The following NCAM2 variants were observed in gnomAD, a reference collection of about 807,000 sequenced individuals.
The protein encoded by NCAM2 is N-CAM-2.
A neutral mutation model predicts 98.1 loss-of-function variants in NCAM2; 30 were observed. That is an observed-to-expected ratio of 0.31 (90% confidence interval 0.23 to 0.41). The LOEUF (loss-of-function observed/expected upper bound fraction) is 0.41. Ranked by LOEUF, NCAM2 falls within the 10% of genes least tolerant of loss-of-function variation. NCAM2 has a pLI of 1.00. For missense variants in NCAM2, 867 were observed against 1,005.8 expected, an observed-to-expected ratio of 0.86 and a Z score of 1.87; for synonymous variants, 368 against 342.4, an observed-to-expected ratio of 1.07 and a Z score of -0.83.
intron 1 of NCAM2, among the ~76,000 whole-genome samples, chr21:21,199,552 C>A (rs1253894381): frequency 2.0e-5 from 3 of 152,144 alleles, no homozygotes; most frequent in African/African-American, 7.2e-5. Flanking sequence ...GTCTAAAGAG[C>A]GTCTTCCTGT....
intron 5 of NCAM2, among the ~76,000 whole-genome samples, chr21:21,312,487 TACTC>T (rs1302453231): frequency 6.6e-6 from 1 of 151,710 alleles, no homozygotes; most frequent in Non-Finnish European, 1.5e-5. Flanking sequence ...ATTATATTAA[TACTC>T]AATTAATCTA....
chr21:21,482,380 T>A (rs1469365764), intron 15 of NCAM2, among the ~76,000 whole-genome samples: 1 of 152,104 alleles, frequency 6.6e-6, no homozygotes, highest in Non-Finnish European at 1.5e-5. Flanking sequence ...TCAAACATAT[T>A]AGAAATAAGT....
intron 8 of NCAM2, among the ~76,000 whole-genome samples, chr21:21,357,278 T>C (rs1015769399): frequency 5.9e-5 from 9 of 152,154 alleles, no homozygotes; most frequent in African/African-American, 1.9e-4. Context: ...TTGCAAACTC[T>C]ATCACCAAAA....
At chr21:21,400,887 T>C (rs1178049716) in intron 9 of NCAM2, among the ~76,000 whole-genome samples, 2 of 152,222 alleles carry the variant, frequency 1.3e-5, no homozygotes, top group African/African-American at 2.4e-5. Flanking sequence ...AGTGCTACTT[T>C]ATGTATCCTA....
At chr21:21,515,011 A>G (rs956679599) in intron 16 of NCAM2, among the ~76,000 whole-genome samples, 24 of 152,202 alleles carry the variant, frequency 1.6e-4, no homozygotes, top group African/African-American at 5.3e-4. Context: ...TAAATTATTT[A>G]TCCATAAAAA....
At chr21:21,127,351 T>G (rs2066848074) in intron 1 of NCAM2, among the ~76,000 whole-genome samples, 1 of 152,102 alleles carries the variant, frequency 6.6e-6, no homozygotes, top group South Asian at 2.1e-4. Context: ...TAATTGTACG[T>G]ACTTATGCAG....
intron 1 of NCAM2, among the ~76,000 whole-genome samples, chr21:21,148,980 C>G (rs895918786): frequency 6.6e-6 from 1 of 152,020 alleles, no homozygotes; most frequent in African/African-American, 2.4e-5. Context: ...ACTAATGTCC[C>G]TTTTCAAATT....
At chr21:21,087,814 T>C (rs2146433881) in intron 1 of NCAM2, among the ~76,000 whole-genome samples, 1 of 152,260 alleles carries the variant, frequency 6.6e-6, no homozygotes, top group Non-Finnish European at 1.5e-5. Context: ...CCTGGAAGGC[T>C]GAAATAATGA....
chr21:21,490,322 T>C (rs1372244027), intron 15 of NCAM2, among the ~76,000 whole-genome samples: 1 of 152,048 alleles, frequency 6.6e-6, no homozygotes, highest in Non-Finnish European at 1.5e-5. Context: ...CCTTTGTTGG[T>C]AGACTATTAT....
chr21:21,261,649 A>C (rs2071904662), intron 1 of NCAM2, among the ~76,000 whole-genome samples: 1 of 152,142 alleles, frequency 6.6e-6, no homozygotes, highest in African/African-American at 2.4e-5. Context: ...ATAATCAAAA[A>C]ATTTTTGAAA....
rs928897139 is a variant in NCAM2 at position 21,107,387 on chromosome 21, T to C, written c.55+108769T>C. Among the ~76,000 whole-genome samples, 57 of 152,188 alleles carry C rather than the reference T, an allele frequency of 3.7e-4. 1 individual carries two copies. The highest frequency in any genetic ancestry group is 7.9e-4 in the Admixed American group (12 of 15,250). On this transcript the variant is annotated intron_variant, in intron 1 of 17. Transcript: ENST00000400546. The stretch of plus-strand genomic sequence containing the variant: ...TCAAAAACTATATCTGATGTTTTTT[T>C]CCATGCAAGGTTAATAGACATAGTC...
chr21:21,464,292 A>T (rs902300430), intron 12 of NCAM2, among the ~76,000 whole-genome samples: 53 of 152,208 alleles, frequency 3.5e-4, no homozygotes, highest in African/African-American at 1.2e-3. Flanking sequence ...ATTCCAAAAC[A>T]TGTTAGGCCT....
intron 1 of NCAM2, among the ~76,000 whole-genome samples, chr21:21,096,961 C>T (rs2066137426): frequency 6.6e-6 from 1 of 151,764 alleles, no homozygotes; most frequent in South Asian, 2.1e-4. Context: ...GAGACAGTGT[C>T]AACATCCCTA....
intron 1 of NCAM2, among the ~76,000 whole-genome samples, chr21:21,048,249 C>T (rs2065037595): frequency 1.3e-5 from 2 of 152,224 alleles, no homozygotes; most frequent in East Asian, 3.9e-4. Flanking sequence ...TCTATTAATC[C>T]CAGGTCTTCA....
intron 1 of NCAM2, among the ~76,000 whole-genome samples, chr21:21,045,642 C>T (rs1200455670): frequency 2.0e-5 from 3 of 151,996 alleles, no homozygotes; most frequent in African/African-American, 7.2e-5. Flanking sequence ...AAAGCAAGAC[C>T]CTGTCTCAGA....
At chr21:21,049,850 A>G (rs1204872751) in intron 1 of NCAM2, among the ~76,000 whole-genome samples, 1 of 151,128 alleles carries the variant, frequency 6.6e-6, no homozygotes, top group Non-Finnish European at 1.5e-5. Flanking sequence ...CAGCCTGGGC[A>G]AAAAGAGTGA....
intron 1 of NCAM2, among the ~76,000 whole-genome samples, chr21:21,180,106 A>G (rs1490790714): frequency 1.3e-5 from 2 of 152,018 alleles, no homozygotes; most frequent in South Asian, 2.1e-4. Flanking sequence ...CCTCATCACT[A>G]CTTGGCCTTC....
At chr21:21,266,095 T>G (rs367977983) in intron 1 of NCAM2, among the ~76,000 whole-genome samples, 1 of 152,210 alleles carries the variant, frequency 6.6e-6, no homozygotes, top group East Asian at 1.9e-4. Flanking sequence ...ATTCAAATGT[T>G]TTTGCTTCCT....
chr21:21,129,699 C>T (rs1351280316), intron 1 of NCAM2, among the ~76,000 whole-genome samples: 1 of 145,190 alleles, frequency 6.9e-6, no homozygotes, highest in Non-Finnish European at 1.5e-5. Flanking sequence ...GCTGTTGCCA[C>T]CTTTTAATAC....
Sources: gnomAD v4.1 joint callset for allele counts (sites outside exome capture counted in the v4.1 genomes callset) on GRCh38, gnomAD v4.1.1 for gene constraint, MANE v1.5 for transcripts, NCBI Gene and HGNC (gene_info 2026-07-23, HGNC 2026-07-21) for gene names.